Variants in TRAK1 observed in about 807,000 individuals in gnomAD.
The protein encoded by TRAK1 is trafficking kinesin-binding protein 1.
In TRAK1, 33 loss-of-function variants were observed where a neutral mutation model predicts 92.1. The ratio of observed to expected loss-of-function variants is 0.36; its 90% CI spans 0.27 to 0.48. The LOEUF is 0.48. Among genes scored for constraint, TRAK1 ranks in the 20% least tolerant of loss-of-function variants. The pLI is 0.99. For synonymous variants in TRAK1, 521 were observed against 517.3 expected (o/e 1.01, Z -0.10); for missense variants, 1,123 against 1,257.9 (o/e 0.89, Z 1.62).
At chr3:42,190,099 C>T (rs1177351188) in intron 6 of TRAK1, among the ~76,000 whole-genome samples, 2 of 152,120 alleles carry the variant, frequency 1.3e-5, no homozygotes, top group African/African-American at 4.8e-5. Context: ...ACTCTAAGCC[C>T]CTTGTTTTTC....
intron 1 of TRAK1, among the ~76,000 whole-genome samples, chr3:42,074,837 C>T (rs938806803): frequency 2.0e-5 from 3 of 152,148 alleles, no homozygotes; most frequent in Non-Finnish European, 2.9e-5. Flanking sequence ...TTTCAATCCT[C>T]ACCCTCCTCC....
intron 2 of TRAK1, among the ~76,000 whole-genome samples, chr3:42,138,627 C>T (rs1698248524): frequency 3.3e-5 from 5 of 151,570 alleles, no homozygotes; most frequent in African/African-American, 1.2e-4. Flanking sequence ...CGGCTCACAC[C>T]TATAATCCCA....
chr3:42,186,993 C>T (rs1704981428), intron 4 of TRAK1, among the ~76,000 whole-genome samples: 1 of 152,158 alleles, frequency 6.6e-6, no homozygotes. Context: ...GCACTGGTTC[C>T]CTATTCTTCA....
intron 1 of TRAK1, among the ~76,000 whole-genome samples, chr3:42,076,562 A>G (rs947457398): frequency 2.0e-5 from 3 of 151,916 alleles, no homozygotes; most frequent in Non-Finnish European, 4.4e-5. Flanking sequence ...AGTTTGCAAA[A>G]ATTTTCTCCC....
intron 14 of TRAK1, among the ~76,000 whole-genome samples, chr3:42,214,766 T>C (rs1014472820): frequency 2.0e-5 from 3 of 152,184 alleles, no homozygotes; most frequent in African/African-American, 7.2e-5. Flanking sequence ...GCTGGCCAGA[T>C]GTCTGATCAC....
Position 42,041,138 on chromosome 3 carries a change from T to TAA in TRAK1, c.-519+27035_-519+27036dup, listed in dbSNP as rs142346847. On this transcript the variant is annotated intron_variant, in intron 1 of 16. Coordinates refer to the TRAK1 transcript ENST00000487159. ...TAAGACCAGCTAGTTAATTTATGCT[T>TAA]AAAAAAAAAAAAAAACGGCTGGGAT... Among the ~76,000 whole-genome samples the TAA allele has an allele frequency of 2.3e-3, 298 of 131,912 alleles. 1 individual carries two copies. Among genetic ancestry groups the TAA allele is most frequent in the Middle Eastern group, 0.011 (3 of 274 alleles). The allele number at this position is 131,912 out of a possible 152,430, so 86.5% of individuals were successfully genotyped here.
chr3:42,062,135 A>C lies in TRAK1; in HGVS notation c.-518-24969A>C, dbSNP rs552849250. ...ACAGCAGACAAGATTTTGACAATGG[A>C]CAAGTCACTCACCTTCTAACATGTC... is the stretch of plus-strand genomic sequence containing the variant. On this transcript the variant is annotated intron_variant, in intron 1 of 16. Transcript: ENST00000487159. 7.9e-5 allele frequency among the ~76,000 whole-genome samples: 12 copies of C among 152,352 alleles called. No individual in the cohort carries two copies. In the South Asian group the frequency reaches 2.5e-3, roughly 32 times the overall value.
At chr3:42,058,249 A>T (rs1703278761) in intron 1 of TRAK1, among the ~76,000 whole-genome samples, 1 of 152,240 alleles carries the variant, frequency 6.6e-6, no homozygotes, top group African/African-American at 2.4e-5. Context: ...GTTTGTAAGT[A>T]TGCTTTTGCC....
chr3:42,057,393 A>G (rs1273564574), intron 1 of TRAK1, among the ~76,000 whole-genome samples: 3 of 152,164 alleles, frequency 2.0e-5, no homozygotes, highest in East Asian at 1.9e-4. Context: ...TTGATTGCCA[A>G]TTCACATCCA....
At chr3:42,082,678 C>A (rs1449055429), upstream of TRAK1, among the ~76,000 whole-genome samples, 1 of 151,212 alleles carries the variant, frequency 6.6e-6, no homozygotes, top group Non-Finnish European at 1.5e-5. Flanking sequence ...CACAAAAAAC[C>A]AAAATCATAT....
chr3:42,116,914 A>G (rs1709235900), intron 1 of TRAK1, among the ~76,000 whole-genome samples: 1 of 152,194 alleles, frequency 6.6e-6, no homozygotes, highest in African/African-American at 2.4e-5. Flanking sequence ...GGTCTGTAGC[A>G]TTCTCTGAAG....
chr3:42,143,508 A>G (rs969330471), intron 2 of TRAK1, among the ~76,000 whole-genome samples: 1 of 152,192 alleles, frequency 6.6e-6, no homozygotes, highest in African/African-American at 2.4e-5. Context: ...TGAGGGAGCC[A>G]TTAGGTCGCA....
chr3:42,156,043 C>T (rs965264241), intron 2 of TRAK1, among the ~76,000 whole-genome samples: 2 of 152,220 alleles, frequency 1.3e-5, no homozygotes, highest in Non-Finnish European at 2.9e-5. Context: ...GTCCCAGTGT[C>T]TAGTCTGTGC....
chr3:42,041,138 TAAA>T (rs142346847), intron 1 of TRAK1, among the ~76,000 whole-genome samples: 359 of 131,932 alleles, frequency 2.7e-3, no homozygotes, highest in Admixed American at 5.3e-3. Flanking sequence ...AATTTATGCT[TAAA>T]AAAAAAAAAA....
intron 1 of TRAK1, among the ~76,000 whole-genome samples, chr3:42,023,090 A>G (rs1372481610): frequency 6.9e-6 from 1 of 145,866 alleles, no homozygotes; most frequent in Admixed American, 7.0e-5. Context: ...CACGGGAGGC[A>G]GAGGTTGCAG....
At chr3:42,195,055 C>A in intron 10 of TRAK1, 114 bp downstream of exon 10, 1 of 1,276,636 alleles carries the variant, frequency 7.8e-7, no homozygotes, top group South Asian at 1.5e-5. Context: ...TCTCGTTGTA[C>A]AGTTCAGATC....
intron 2 of TRAK1, among the ~76,000 whole-genome samples, chr3:42,152,610 T>C (rs987316117): frequency 6.6e-6 from 1 of 152,200 alleles, no homozygotes; most frequent in African/African-American, 2.4e-5. Flanking sequence ...GAAACTGTGC[T>C]GATTGATGTC....
intron 13 of TRAK1, among the ~76,000 whole-genome samples, chr3:42,204,401 A>G (rs1708082118): frequency 6.6e-6 from 1 of 152,206 alleles, no homozygotes; most frequent in Non-Finnish European, 1.5e-5. Context: ...TGATTAGTTA[A>G]TAGGATAATA....
chr3:42,036,913 C>G (rs887098681), intron 1 of TRAK1, among the ~76,000 whole-genome samples: 2 of 152,124 alleles, frequency 1.3e-5, no homozygotes, highest in Non-Finnish European at 2.9e-5. Flanking sequence ...CCACACCTGG[C>G]TAATTTTTAT....
Sources: allele counts gnomAD v4.1 joint callset (sites outside exome capture counted in the v4.1 genomes callset), GRCh38; gene constraint gnomAD v4.1.1; transcripts MANE v1.5; gene names NCBI Gene and HGNC (gene_info 2026-07-23, HGNC 2026-07-21).